ABI3BP: variants seen among roughly 807,000 people sequenced by gnomAD.
The protein encoded by ABI3BP is ABI family member 3 binding protein, also known as target of Nesh-SH3.
A neutral mutation model predicts 268.6 loss-of-function variants in ABI3BP; 216 were observed. The ratio of observed to expected loss-of-function variants is 0.80; its 90% CI spans 0.72 to 0.90. ABI3BP has a LOEUF of 0.90. Ranked by LOEUF, ABI3BP falls within the 40% of genes least tolerant of loss-of-function variation. The probability of loss-of-function intolerance (pLI) is 0.00; values close to 1 mark genes in which losing one functional copy is unlikely to be tolerated. For synonymous variants in ABI3BP, 730 were observed against 730.0 expected (o/e 1.00, Z 0.00); for missense variants, 2,090 against 2,182.4 (o/e 0.96, Z 0.84).
intron 2 of ABI3BP, chr3:100,911,518 A>C: frequency 3.9e-6 from 2 of 513,052 alleles, no homozygotes; most frequent in Non-Finnish European, 7.1e-6. Flanking sequence ...TATACTCCTT[A>C]ATTCCTCTTG....
chr3:100,866,974 A>T lies in ABI3BP; in HGVS notation c.911-18T>A. 1 of 1,606,164 alleles carries T rather than the reference A, an allele frequency of 6.2e-7. No individual in the cohort carries two copies. The highest frequency in any genetic ancestry group is 8.5e-7 in the Non-Finnish European group (1 of 1,173,770). On this transcript the variant is annotated intron_variant, in intron 9 of 67. Transcript: ENST00000471714. ...ATTCTTAGCTAAAAAGTCAGAGAAC[A>T]AACAATTTATCTCACTTGCAGTGTC...
chr3:100,860,080 A>G (rs543944804), intron 14 of ABI3BP, among the ~76,000 whole-genome samples: 17 of 152,284 alleles, frequency 1.1e-4, no homozygotes, highest in African/African-American at 3.6e-4. Context: ...CTCAAAAAAC[A>G]AAAACAAAAA....
rs1180244865 is a variant in ABI3BP at position 100,820,919 on chromosome 3, A to T, written c.2947+135T>A. ...AGTCAGAATTTTCAATACTTTTAGGATGAAGAATATGATGGAATGAAACAG... is the reference window on the plus strand; with the variant it reads ...AGTCAGAATTTTCAATACTTTTAGGTTGAAGAATATGATGGAATGAAACAG... On this transcript the variant is annotated intron_variant, in intron 39 of 67. Transcript: ENST00000471714. The T allele has an allele frequency of 1.0e-5, 8 of 785,052 alleles. No homozygotes were observed. In the East Asian group the frequency reaches 1.9e-4, roughly 19 times the overall value. The allele number at this position is 785,052 out of a possible 1,614,324, so 48.6% of individuals were successfully genotyped here. A position where few individuals can be genotyped will look rare whatever the true frequency, so the allele number is the denominator to read the frequency against.
chr3:100,858,125 G>A (rs147303538), intron 14 of ABI3BP, among the ~76,000 whole-genome samples: 210 of 152,290 alleles, frequency 1.4e-3, no homozygotes, highest in African/African-American at 4.8e-3. Flanking sequence ...CTAAAGTGTG[G>A]TCAACTTCCT....
chr3:100,906,175 T>C (rs1256627106), intron 2 of ABI3BP, among the ~76,000 whole-genome samples: 2 of 152,208 alleles, frequency 1.3e-5, no homozygotes, highest in African/African-American at 4.8e-5. Flanking sequence ...TAGAGGTTTT[T>C]AAAGAAAGAC....
At chr3:100,846,472 TAAAC>T (rs774102217) in intron 19 of ABI3BP, 26 bp from the exon 20 acceptor site, 52 of 1,516,502 alleles carry the variant, frequency 3.4e-5, no homozygotes, top group Non-Finnish European at 4.4e-5. Flanking sequence ...AACAAAATAA[TAAAC>T]AAATCAATAT....
chr3:100,783,300 C>T (rs1045759378), intron 57 of ABI3BP, among the ~76,000 whole-genome samples: 13 of 152,288 alleles, frequency 8.5e-5, no homozygotes, highest in South Asian at 2.1e-4. Context: ...ACTGGATTAT[C>T]GTGCAGCACA....
intron 1 of ABI3BP, among the ~76,000 whole-genome samples, chr3:100,983,300 G>A (rs981850848): frequency 6.6e-6 from 1 of 152,060 alleles, no homozygotes; most frequent in Non-Finnish European, 1.5e-5. Flanking sequence ...CATGCTACAT[G>A]CTGAAAAATT....
At chr3:100,894,920 C>G (rs529300761) in intron 4 of ABI3BP, among the ~76,000 whole-genome samples, 114 of 63,098 alleles carry the variant, frequency 1.8e-3, no homozygotes, top group Non-Finnish European at 2.8e-3. Context: ...GCCTGGGCGA[C>G]AGAGCGGGAT....
chr3:100,902,809 G>A (rs190858051), intron 2 of ABI3BP, 123 bp from the exon 3 acceptor site: 7 of 712,870 alleles, frequency 9.8e-6, no homozygotes, highest in South Asian at 1.9e-5. Context: ...CAGGGAGTGA[G>A]AGGACCCAAT....
intron 9 of ABI3BP, among the ~76,000 whole-genome samples, chr3:100,869,328 TG>T (rs1554026784): frequency 1.7e-5 from 2 of 117,258 alleles, no homozygotes; most frequent in Non-Finnish European, 3.2e-5. Context: ...TTCTTCTTTT[TG>T]GTTTTTTTTT....
Position 100,840,897 on chromosome 3 carries a change from A to C in ABI3BP, c.1766-39T>G, listed in dbSNP as rs931127397. 1.1e-5 allele frequency: 17 copies of C among 1,491,184 alleles called. No individual in the cohort carries two copies. The African/African-American group carries it at 2.1e-4, about 18-fold the overall frequency. 92.4% of individuals were successfully genotyped at this position (1,491,184 alleles called of 1,614,324 possible). On this transcript the variant is annotated intron_variant, in intron 21 of 67. Transcript: ENST00000471714. ...AAAAAATCACCAAGAAAGAATCAAG[A>C]TCAAAGGAAAAATGACATGTATTTA...
chr3:100,890,138 G>A (rs1423321076), intron 4 of ABI3BP, among the ~76,000 whole-genome samples: 4 of 152,128 alleles, frequency 2.6e-5, no homozygotes, highest in Non-Finnish European at 4.4e-5. Context: ...AACTACCCCA[G>A]CTTAATGTAC....
intron 61 of ABI3BP, among the ~76,000 whole-genome samples, chr3:100,771,651 TATAAG>T (rs1278916461): frequency 6.6e-6 from 1 of 152,098 alleles, no homozygotes; most frequent in East Asian, 1.9e-4. Flanking sequence ...AATTAATACC[TATAAG>T]ATAATACAGA....
intron 1 of ABI3BP, among the ~76,000 whole-genome samples, chr3:100,936,040 T>G (rs1162514792): frequency 6.6e-6 from 1 of 152,186 alleles, no homozygotes; most frequent in Non-Finnish European, 1.5e-5. Flanking sequence ...AGAGAGGGCA[T>G]CCTTGTCTTG....
At chr3:100,969,636 G>T (rs943068481) in intron 1 of ABI3BP, among the ~76,000 whole-genome samples, 1 of 152,106 alleles carries the variant, frequency 6.6e-6, no homozygotes, top group South Asian at 2.1e-4. Context: ...AAATCTCGAG[G>T]CATAGCTCTA....
intron 57 of ABI3BP, among the ~76,000 whole-genome samples, chr3:100,782,594 T>A (rs1050584360): frequency 1.3e-5 from 2 of 152,052 alleles, no homozygotes; most frequent in African/African-American, 4.8e-5. Context: ...GAGACTGAGC[T>A]CTTATTCTGG....
chr3:100,816,306 A>G (rs73135533), intron 43 of ABI3BP: 75,650 of 450,530 alleles, frequency 0.17, 7,609 homozygotes, highest in South Asian at 0.27. Flanking sequence ...ATATATATGA[A>G]AGTAACTTGT....
intron 2 of ABI3BP, among the ~76,000 whole-genome samples, chr3:100,914,196 T>C (rs2057795745): frequency 6.6e-6 from 1 of 152,242 alleles, no homozygotes. Context: ...TTTTCCTTCT[T>C]TGCCTGAAAA....
Sources: gnomAD v4.1 joint callset for allele counts (sites outside exome capture counted in the v4.1 genomes callset) on GRCh38, gnomAD v4.1.1 for gene constraint, MANE v1.5 for transcripts, NCBI Gene and HGNC (gene_info 2026-07-23, HGNC 2026-07-21) for gene names.